ANAPC10: variants seen among roughly 807,000 people sequenced by gnomAD.
ANAPC10 encodes anaphase promoting complex subunit 10, also known as anaphase-promoting complex subunit 10.
A neutral mutation model predicts 22.0 loss-of-function variants in ANAPC10; 12 were observed. That is an observed-to-expected ratio of 0.55 (90% CI 0.35 to 0.88). The LOEUF (loss-of-function observed/expected upper bound fraction) is 0.88. Ranked by LOEUF, ANAPC10 falls within the 40% of genes least tolerant of loss-of-function variation. The probability of loss-of-function intolerance (pLI) is 0.01; values close to 1 mark genes in which losing one functional copy is unlikely to be tolerated. For missense variants in ANAPC10, 188 were observed against 220.9 expected, an observed-to-expected ratio of 0.85 and a Z score of 0.94; for synonymous variants, 65 against 69.5, an observed-to-expected ratio of 0.94 and a Z score of 0.32.
At chr4:145,069,077 C>T (rs1744114904) in intron 3 of ANAPC10, among the ~76,000 whole-genome samples, 2 of 152,108 alleles carry the variant, frequency 1.3e-5, no homozygotes, top group South Asian at 2.1e-4. Context: ...CAAGAAAGTC[C>T]GAGACATCTG....
intron 4 of ANAPC10, among the ~76,000 whole-genome samples, chr4:145,030,240 CAG>C (rs945990332): frequency 5.9e-5 from 9 of 152,160 alleles, no homozygotes; most frequent in Non-Finnish European, 1.3e-4. Context: ...ATTATAAAAA[CAG>C]AGAATCACAG....
chr4:145,088,109 T>G (rs948050251), intron 2 of ANAPC10, among the ~76,000 whole-genome samples: 1 of 152,206 alleles, frequency 6.6e-6, no homozygotes, highest in Non-Finnish European at 1.5e-5. Context: ...TTGTTTCCTC[T>G]TGACTTCTAT....
At chr4:145,016,872 A>C (rs1464866845) in intron 4 of ANAPC10, among the ~76,000 whole-genome samples, 1 of 152,242 alleles carries the variant, frequency 6.6e-6, no homozygotes. Context: ...AAATGGGGAA[A>C]GGATTCCCTA....
chr4:145,037,580 A>G (rs1738784853), intron 4 of ANAPC10, among the ~76,000 whole-genome samples: 1 of 152,222 alleles, frequency 6.6e-6, no homozygotes. Context: ...TAAATTCAAA[A>G]TGCCAAAAAG....
intron 4 of ANAPC10, among the ~76,000 whole-genome samples, chr4:145,044,473 C>T (rs969845587): frequency 2.6e-5 from 4 of 152,076 alleles, no homozygotes; most frequent in African/African-American, 7.2e-5. Context: ...TTTCCTTCCC[C>T]CCAACTCCCA....
chr4:145,037,667 C>A (rs985185660), intron 4 of ANAPC10, among the ~76,000 whole-genome samples: 1 of 152,046 alleles, frequency 6.6e-6, no homozygotes, highest in Non-Finnish European at 1.5e-5. Context: ...CAGATGAAGG[C>A]GAGGCACAAT....
At chr4:145,054,640 T>TGC (rs1158824604) in intron 4 of ANAPC10, among the ~76,000 whole-genome samples, 1,528 of 90,246 alleles carry the variant, frequency 0.017, 24 homozygotes, top group African/African-American at 0.028. Flanking sequence ...TGTGTGTGTG[T>TGC]GCGCGCGCGC....
chr4:145,018,497 G>T (rs940788550), intron 4 of ANAPC10, among the ~76,000 whole-genome samples: 4 of 152,008 alleles, frequency 2.6e-5, no homozygotes, highest in Non-Finnish European at 5.9e-5. Context: ...AATAAGCCAG[G>T]CATGGTGGCA....
At chr4:144,997,642 A>C (rs1731828607) in intron 4 of ANAPC10, among the ~76,000 whole-genome samples, 1 of 152,224 alleles carries the variant, frequency 6.6e-6, no homozygotes, top group Non-Finnish European at 1.5e-5. Flanking sequence ...AATTGTAAAG[A>C]CCATCAATGC....
chr4:145,089,414 A>G lies in ANAPC10; in HGVS notation c.115+6571T>C, dbSNP rs138244071. ...TCAAATATAGAGTTAAGCACAGCAG[A>G]TGTACTTATTTTTCCCCTAAATTTG... is the stretch of plus-strand genomic sequence containing the variant. On this transcript the variant is annotated intron_variant, in intron 2 of 4. Coordinates refer to ENST00000507656, the MANE Select transcript of ANAPC10 (RefSeq NM_001256706.2). 1.6e-4 allele frequency among the ~76,000 whole-genome samples: 24 copies of G among 152,274 alleles called. No homozygotes were observed. The East Asian group carries it at 4.0e-3, about 26-fold the overall frequency.
chr4:145,070,849 T>C (rs1235676895), intron 3 of ANAPC10, among the ~76,000 whole-genome samples: 1 of 152,178 alleles, frequency 6.6e-6, no homozygotes, highest in Non-Finnish European at 1.5e-5. Flanking sequence ...ACAACATGAA[T>C]GAACCTTGAA....
At chr4:145,049,681 G>A (rs1380606924) in intron 4 of ANAPC10, among the ~76,000 whole-genome samples, 1 of 152,134 alleles carries the variant, frequency 6.6e-6, no homozygotes, top group East Asian at 1.9e-4. Flanking sequence ...CTAGGCTTAA[G>A]CAATCCTCCC....
chr4:145,070,774 T>C (rs1017776853), intron 3 of ANAPC10, among the ~76,000 whole-genome samples: 1 of 152,150 alleles, frequency 6.6e-6, no homozygotes, highest in Non-Finnish European at 1.5e-5. Context: ...ATAAACAAAA[T>C]GTGGCACAGT....
intron 3 of ANAPC10, among the ~76,000 whole-genome samples, chr4:145,066,277 TAA>T (rs1305778558): frequency 1.3e-5 from 2 of 152,108 alleles, no homozygotes; most frequent in African/African-American, 4.8e-5. Flanking sequence ...GCTGACAGGA[TAA>T]AGACCATTAT....
At position 144,994,935 on chromosome 4, in the gene ANAPC10, A is replaced by T. The variant is rs1229237777; in HGVS notation, c.*438T>A. 1.3e-5 allele frequency: 2 copies of T among 153,506 alleles called. No individual in the cohort carries two copies. Among genetic ancestry groups the T allele is most frequent in the Admixed American group, 1.3e-4 (2 of 15,414 alleles). 9.5% of individuals were successfully genotyped at this position (153,506 alleles called of 1,614,324 possible). Reference sequence around the variant, plus strand: ...AATAACCTTCCTCTGGGTAGAAAAAATAGTAATTTTGACCTATTAAAGATG... The same window carrying T: ...AATAACCTTCCTCTGGGTAGAAAAATTAGTAATTTTGACCTATTAAAGATG... On this transcript the variant is annotated 3_prime_UTR_variant, in exon 5 of 5. Transcript: ENST00000507656.
chr4:145,017,137 A>G (rs1468960611), intron 4 of ANAPC10, among the ~76,000 whole-genome samples: 1 of 152,228 alleles, frequency 6.6e-6, no homozygotes, highest in East Asian at 1.9e-4. Context: ...TAATTAAACT[A>G]AAGAGCTTCT....
chr4:145,041,090 C>A (rs1739443922), intron 4 of ANAPC10, among the ~76,000 whole-genome samples: 1 of 152,068 alleles, frequency 6.6e-6, no homozygotes, highest in Non-Finnish European at 1.5e-5. Flanking sequence ...GGATCTATGA[C>A]TTCTAGTGGT....
intron 2 of ANAPC10, among the ~76,000 whole-genome samples, chr4:145,089,313 A>C (rs1432637173): frequency 3.9e-5 from 6 of 152,192 alleles, no homozygotes; most frequent in Non-Finnish European, 5.9e-5. Context: ...GTCTTCAAAA[A>C]AAAACAGGGA....
intron 4 of ANAPC10, among the ~76,000 whole-genome samples, chr4:145,021,818 C>G (rs1735991507): frequency 1.3e-5 from 2 of 151,882 alleles, no homozygotes; most frequent in Non-Finnish European, 2.9e-5. Flanking sequence ...TCAATCAAAT[C>G]AGCCAAAAAA....
Sources: gnomAD v4.1 joint callset for allele counts (sites outside exome capture counted in the v4.1 genomes callset) on GRCh38, gnomAD v4.1.1 for gene constraint, MANE v1.5 for transcripts, NCBI Gene and HGNC (gene_info 2026-07-23, HGNC 2026-07-21) for gene names.